PLEKHG1: variants seen among roughly 807,000 people sequenced by gnomAD.
The protein encoded by PLEKHG1 is pleckstrin homology domain-containing family G member 1.
In PLEKHG1, 44 loss-of-function variants were observed where a neutral mutation model predicts 100.8. That is an observed-to-expected ratio of 0.44 (90% CI 0.34 to 0.56). The LOEUF (loss-of-function observed/expected upper bound fraction) is 0.56, where lower values mean the gene tolerates loss of function less well. Ranked by LOEUF, PLEKHG1 falls within the 20% of genes least tolerant of loss-of-function variation. The pLI is 0.01. For synonymous variants in PLEKHG1, 640 were observed against 662.5 expected (o/e 0.97, Z 0.52); for missense variants, 1,545 against 1,720.9 (o/e 0.90, Z 1.81).
At chr6:150,767,375 A>G (rs1438475309) in intron 2 of PLEKHG1, among the ~76,000 whole-genome samples, 1 of 152,236 alleles carries the variant, frequency 6.6e-6, no homozygotes, top group Non-Finnish European at 1.5e-5. Context: ...CTACTTTCTT[A>G]AGAAGAAAAG....
intron 3 of PLEKHG1, among the ~76,000 whole-genome samples, chr6:150,680,662 G>A (rs1263680237): frequency 6.6e-6 from 1 of 152,208 alleles, no homozygotes; most frequent in Non-Finnish European, 1.5e-5. Context: ...AGAAGTGTCA[G>A]ATGTTTCCAA....
Position 150,683,715 on chromosome 6 carries a change from C to T in PLEKHG1, c.-99+32929C>T, listed in dbSNP as rs182127424. ...TCAACTTGAACCCTGAGTTGACACA[C>T]GGACCCCTCTGCGCTAGTATCCAGG... On this transcript the variant is annotated intron_variant, in intron 3 of 3. Transcript: ENST00000367326. This position sits in a 1 kb window ranked among gnomAD's most constrained non-coding sequence, Gnocchi z 4.0. 2.9e-3 allele frequency: 3,085 copies of T among 1,078,988 alleles called. 4 individuals carry two copies. Among genetic ancestry groups the T allele is most frequent in the Non-Finnish European group, 3.4e-3 (2,743 of 817,718 alleles). 66.8% of individuals were successfully genotyped at this position (1,078,988 alleles called of 1,614,324 possible).
At chr6:150,669,041 G>T (rs1562423975) in intron 3 of PLEKHG1, among the ~76,000 whole-genome samples, 1 of 151,912 alleles carries the variant, frequency 6.6e-6, no homozygotes, top group Admixed American at 6.6e-5. Flanking sequence ...GCCTTTTTTT[G>T]CAGGCTTTTC....
intron 2 of PLEKHG1, among the ~76,000 whole-genome samples, chr6:150,746,996 G>A (rs921733234): frequency 6.6e-6 from 1 of 152,176 alleles, no homozygotes; most frequent in Non-Finnish European, 1.5e-5. Flanking sequence ...TAATGAACAG[G>A]CATTTTAAAA....
At chr6:150,823,519 G>C in intron 13 of PLEKHG1, 135 bp from the exon 15 acceptor site, 5 of 615,004 alleles carry the variant, frequency 8.1e-6, no homozygotes, top group Non-Finnish European at 1.4e-5. Context: ...CTGAAAATTA[G>C]ATCTATAGGG....
intron 1 of PLEKHG1, among the ~76,000 whole-genome samples, chr6:150,612,949 G>A (rs908035559): frequency 3.9e-5 from 6 of 152,152 alleles, no homozygotes; most frequent in African/African-American, 1.4e-4. Flanking sequence ...TCATATGTCG[G>A]TTAGCTCAAT....
At chr6:150,840,799 A>T in exon 16 of PLEKHG1, 3 of 1,614,184 alleles carry the variant, frequency 1.9e-6, no homozygotes, top group Non-Finnish European at 2.5e-6. Context: ...GACAAACTGA[A>T]TGACTATCTT....
At chr6:150,652,479 T>G (rs1236599345) in intron 3 of PLEKHG1, among the ~76,000 whole-genome samples, 1 of 152,168 alleles carries the variant, frequency 6.6e-6, no homozygotes, top group African/African-American at 2.4e-5. Flanking sequence ...TCCCAGCACT[T>G]TGGGAGGCCG....
intron 3 of PLEKHG1, among the ~76,000 whole-genome samples, chr6:150,656,746 G>C (rs548006673): frequency 6.6e-6 from 1 of 152,172 alleles, no homozygotes; most frequent in Non-Finnish European, 1.5e-5. Flanking sequence ...CAACTATGGC[G>C]AAGAGAAGTG....
chr6:150,638,569 C>G (rs79305169), intron 2 of PLEKHG1, among the ~76,000 whole-genome samples: 2,645 of 152,236 alleles, frequency 0.017, 72 homozygotes, highest in African/African-American at 0.06. Flanking sequence ...ATAAAGGTGT[C>G]AAGAGGACAA....
chr6:150,831,847 C>G lies in PLEKHG1; in HGVS notation c.2736C>G (p.Arg912=), dbSNP rs146113676. Residue 912 remains arginine, a synonymous_variant, in exon 15 of 16, where the codon CGC becomes CGG. Transcript: ENST00000358517. This position sits in a 1 kb window ranked among gnomAD's most constrained non-coding sequence, Gnocchi z 4.1. ...AGAGCAGGGCTGGCAGAGCCAGCCGCGCCAACTGCCCCTTTGAGGAAGACC... is the reference window on the plus strand; with the variant it reads ...AGAGCAGGGCTGGCAGAGCCAGCCGGGCCAACTGCCCCTTTGAGGAAGACC... The G allele has an allele frequency of 1.2e-6, 2 of 1,612,666 alleles. No individual in the cohort carries two copies. The highest frequency in any genetic ancestry group is 2.2e-5 in the South Asian group (2 of 91,050).
chr6:150,770,575 AGG>A (rs1784672346), intron 3 of PLEKHG1, among the ~76,000 whole-genome samples: 4 of 152,202 alleles, frequency 2.6e-5, no homozygotes, highest in Admixed American at 6.5e-5. Flanking sequence ...AATTTTTCAA[AGG>A]TCTTCAGGTG....
chr6:150,626,329 A>C (rs1420673983), intron 1 of PLEKHG1, among the ~76,000 whole-genome samples: 1 of 152,222 alleles, frequency 6.6e-6, no homozygotes, highest in Non-Finnish European at 1.5e-5. Flanking sequence ...CTTCAGGCGA[A>C]GGCTCAGAGT....
At chr6:150,830,997 G>T (rs1398577413) in exon 15 of PLEKHG1, 2 of 1,614,042 alleles carry the variant, frequency 1.2e-6, no homozygotes, top group Non-Finnish European at 1.7e-6. Flanking sequence ...GACAGAACTA[G>T]GGAACTGCAG....
chr6:150,746,404 C>T (rs186232466), intron 2 of PLEKHG1, among the ~76,000 whole-genome samples: 16 of 152,304 alleles, frequency 1.1e-4, no homozygotes, highest in Non-Finnish European at 2.2e-4. Flanking sequence ...TCTTCCTCCC[C>T]TTTACTCAGA....
At chr6:150,807,632 G>A (rs371176752) in intron 7 of PLEKHG1, among the ~76,000 whole-genome samples, 2 of 152,176 alleles carry the variant, frequency 1.3e-5, no homozygotes. Flanking sequence ...ACGGGGAGTG[G>A]GGCAAGTGGG....
chr6:150,658,018 C>A (rs1323145358), intron 3 of PLEKHG1, among the ~76,000 whole-genome samples: 1 of 152,158 alleles, frequency 6.6e-6, no homozygotes, highest in Non-Finnish European at 1.5e-5. Context: ...ACAAAATTAC[C>A]CACCTTTAGG....
intron 1 of PLEKHG1, among the ~76,000 whole-genome samples, chr6:150,623,905 T>A (rs536707152): frequency 6.6e-6 from 1 of 152,322 alleles, no homozygotes; most frequent in East Asian, 1.9e-4. Context: ...GAAAACAGAA[T>A]CTTCAATGTG....
intron 3 of PLEKHG1, among the ~76,000 whole-genome samples, chr6:150,655,488 C>G (rs1778926804): frequency 6.6e-6 from 1 of 152,036 alleles, no homozygotes; most frequent in African/African-American, 2.4e-5. Context: ...GCGGGTAGAT[C>G]ACAAGGTCAG....
Sources: allele counts gnomAD v4.1 joint callset (sites outside exome capture counted in the v4.1 genomes callset), GRCh38; gene constraint gnomAD v4.1.1; non-coding constraint Gnocchi (gnomAD v3.1); transcripts MANE v1.5; gene names NCBI Gene and HGNC (gene_info 2026-07-23, HGNC 2026-07-21).